Variants in CHM observed in about 807,000 individuals in gnomAD.
The protein encoded by CHM is CHM Rab escort protein.
A neutral mutation model predicts 49.0 loss-of-function variants in CHM; 10 were observed. That is an observed-to-expected ratio of 0.20 (90% CI 0.13 to 0.35). CHM has a LOEUF of 0.35. CHM is among the 10% of genes least tolerant of loss of function. CHM has a pLI of 1.00. For synonymous variants in CHM, 184 were observed against 167.5 expected, an observed-to-expected ratio of 1.10 and a Z score of -0.76; for missense variants, 455 against 478.4, an observed-to-expected ratio of 0.95 and a Z score of 0.46.
At chrX:85,961,920 C>A (rs1930317946) in intron 5 of CHM, among the ~76,000 whole-genome samples, 1 of 111,393 alleles carries the variant, frequency 9.0e-6, no homozygotes, top group Admixed American at 9.6e-5. Flanking sequence ...TTTTTCCTCC[C>A]ACAACCAGCA....
chrX:85,888,397 T>C (rs1308583158), intron 12 of CHM, among the ~76,000 whole-genome samples: 2 of 112,565 alleles, frequency 1.8e-5, no homozygotes, highest in East Asian at 5.6e-4. Flanking sequence ...AAAACAGACA[T>C]GCTTGTTTAT....
At chrX:86,035,177 C>T (rs1934188058) in intron 1 of CHM, among the ~76,000 whole-genome samples, 2 of 111,983 alleles carry the variant, frequency 1.8e-5, no homozygotes, top group Admixed American at 1.9e-4. Flanking sequence ...ACTGGCCCCT[C>T]CTTCCTATTG....
At chrX:85,996,033 T>C (rs758134940) in intron 2 of CHM, among the ~76,000 whole-genome samples, 16 of 112,106 alleles carry the variant, frequency 1.4e-4, no homozygotes, top group Non-Finnish European at 2.1e-4. Context: ...TTTATGGTAG[T>C]CTTGAATCTA....
intron 8 of CHM, among the ~76,000 whole-genome samples, chrX:85,955,198 T>C (rs770447649): frequency 2.5e-4 from 28 of 111,291 alleles, no homozygotes; most frequent in Non-Finnish European, 4.7e-4. Context: ...TACAACAGAG[T>C]GACTACAGTC....
intron 8 of CHM, among the ~76,000 whole-genome samples, chrX:85,953,997 G>C (rs1184202461): frequency 1.8e-5 from 2 of 111,451 alleles, no homozygotes; most frequent in Non-Finnish European, 3.8e-5. Flanking sequence ...CCCACAGAAT[G>C]AAAGAGAATA....
chrX:85,906,274 T>TA (rs1926582628), intron 9 of CHM, among the ~76,000 whole-genome samples: 1 of 112,116 alleles, frequency 8.9e-6, no homozygotes, highest in Non-Finnish European at 1.9e-5. Flanking sequence ...TTAATCTTGT[T>TA]ACCTCTGATT....
intron 12 of CHM, among the ~76,000 whole-genome samples, chrX:85,889,452 A>G (rs973743290): frequency 8.9e-6 from 1 of 112,580 alleles, no homozygotes; most frequent in Admixed American, 9.4e-5. Context: ...AACATATGAA[A>G]AAATGCTGAA....
intron 8 of CHM, among the ~76,000 whole-genome samples, chrX:85,913,728 A>G: frequency 9.0e-6 from 1 of 111,360 alleles, no homozygotes; most frequent in Non-Finnish European, 1.9e-5. Flanking sequence ...AATGTATGGA[A>G]ATGATGACAG....
At chrX:85,935,055 G>C (rs1048588845) in intron 8 of CHM, among the ~76,000 whole-genome samples, 27 of 111,575 alleles carry the variant, frequency 2.4e-4, no homozygotes, top group African/African-American at 8.8e-4. Flanking sequence ...AGTTTATTTG[G>C]CTCCCAGTTC....
chrX:85,986,081 T>C (rs1473458711), intron 2 of CHM, among the ~76,000 whole-genome samples: 1 of 110,682 alleles, frequency 9.0e-6, no homozygotes, highest in Non-Finnish European at 1.9e-5. Context: ...CAACTAACTG[T>C]AGTCAACAGA....
At chrX:85,906,387 G>A (rs1926589818) in intron 9 of CHM, among the ~76,000 whole-genome samples, 1 of 111,924 alleles carries the variant, frequency 8.9e-6, no homozygotes, top group Non-Finnish European at 1.9e-5. Flanking sequence ...GTTATTGTTA[G>A]CTAACATAGC....
chrX:85,892,926 AT>A (rs1244679815), intron 12 of CHM, among the ~76,000 whole-genome samples: 1 of 111,089 alleles, frequency 9.0e-6, no homozygotes, highest in Non-Finnish European at 1.9e-5. Context: ...TTTACAAAAA[AT>A]TTTTTTCTAG....
At chrX:85,949,646 A>G (rs1166682082) in intron 8 of CHM, among the ~76,000 whole-genome samples, 1 of 110,921 alleles carries the variant, frequency 9.0e-6, no homozygotes, top group Non-Finnish European at 1.9e-5. Flanking sequence ...TTTGACAAGT[A>G]ATCAGAAGAG....
Position 85,981,227 on chromosome X carries a change from CAT to C in CHM, c.189+508_189+509del, listed in dbSNP as rs1415011145. Among the ~76,000 whole-genome samples the C allele has an allele frequency of 4.0e-3, 180 of 45,064 alleles. 2 individuals carry two copies. The highest frequency in any genetic ancestry group is 0.016 in the African/African-American group (152 of 9,401). The allele number at this position is 45,064 out of a possible 115,157, so 39.1% of individuals were successfully genotyped here. ...ATTTCTATATATATATATAGACACACATATTTTTTTTTTTTTTTTTTTTTGAG... is the reference window on the plus strand; with the variant it reads ...ATTTCTATATATATATATAGACACACATTTTTTTTTTTTTTTTTTTTTGAG... On this transcript the variant is annotated intron_variant, in intron 3 of 14. Transcript: ENST00000357749.
intron 8 of CHM, among the ~76,000 whole-genome samples, chrX:85,922,940 T>C (rs1393489023): frequency 8.9e-6 from 1 of 112,249 alleles, no homozygotes; most frequent in Non-Finnish European, 1.9e-5. Context: ...ACAGCAAGCG[T>C]GACCTGATAT....
Position 85,901,755 on chromosome X carries a change from C to G in CHM, c.1245-567G>C, listed in dbSNP as rs185934719. Among the ~76,000 whole-genome samples, 666 of 111,916 alleles carry G rather than the reference C, an allele frequency of 6.0e-3. 3 individuals carry two copies. The highest frequency in any genetic ancestry group is 0.019 in the African/African-American group (589 of 30,942). On this transcript the variant is annotated intron_variant, in intron 9 of 14. Transcript: ENST00000357749. Reference sequence around the variant, plus strand: ...GAGCTTCTTTTAATATCTGTTTCTACTTTACTTCAAAGGATGATCATAGAA... The same window carrying G: ...GAGCTTCTTTTAATATCTGTTTCTAGTTTACTTCAAAGGATGATCATAGAA...
At chrX:86,006,816 T>C (rs1183149619) in intron 2 of CHM, among the ~76,000 whole-genome samples, 1 of 111,737 alleles carries the variant, frequency 8.9e-6, no homozygotes, top group African/African-American at 3.3e-5. Context: ...ATCAATATCA[T>C]AAAAATGGCC....
intron 2 of CHM, among the ~76,000 whole-genome samples, chrX:85,996,259 C>A (rs1932435586): frequency 1.8e-5 from 2 of 112,151 alleles, no homozygotes; most frequent in Non-Finnish European, 3.8e-5. Flanking sequence ...AGCATCTATA[C>A]AAAGTATTTT....
intron 2 of CHM, among the ~76,000 whole-genome samples, chrX:85,986,407 G>A (rs1931914443): frequency 8.9e-6 from 1 of 111,753 alleles, no homozygotes; most frequent in African/African-American, 3.3e-5. Context: ...AAGGGGAGAG[G>A]AACCCACACT....
Sources: gnomAD v4.1 joint callset for allele counts (sites outside exome capture counted in the v4.1 genomes callset) on GRCh38, gnomAD v4.1.1 for gene constraint, MANE v1.5 for transcripts, NCBI Gene and HGNC (gene_info 2026-07-23, HGNC 2026-07-21) for gene names.